The following SLC8A1 variants were observed in gnomAD, a reference collection of about 807,000 sequenced individuals.
SLC8A1 encodes the protein solute carrier family 8 member A1, also known as sodium/calcium exchanger 1.
A neutral mutation model predicts 68.3 loss-of-function variants in SLC8A1; 18 were observed. The observed-to-expected ratio is 0.26, with a 90% CI of 0.18 to 0.39. SLC8A1 has a LOEUF of 0.39. SLC8A1 is among the 10% of genes least tolerant of loss of function. The pLI is 1.00. For missense variants in SLC8A1, 985 were observed against 1,156.7 expected, an observed-to-expected ratio of 0.85 and a Z score of 2.15; for synonymous variants, 475 against 415.5, an observed-to-expected ratio of 1.14 and a Z score of -1.74.
chr2:40,289,840 G>A (rs894737669), intron 2 of SLC8A1, among the ~76,000 whole-genome samples: 5 of 151,566 alleles, frequency 3.3e-5, no homozygotes, highest in Admixed American at 1.3e-4. Flanking sequence ...CAGCTTAGGC[G>A]ACAGAGCGAG....
At chr2:40,302,520 TAA>T (rs1411807170) in intron 2 of SLC8A1, among the ~76,000 whole-genome samples, 4 of 149,026 alleles carry the variant, frequency 2.7e-5, no homozygotes, top group African/African-American at 9.8e-5. Context: ...TATACATATA[TAA>T]CATATATATT....
At chr2:40,364,057 A>G (rs576980358) in intron 2 of SLC8A1, among the ~76,000 whole-genome samples, 1 of 152,212 alleles carries the variant, frequency 6.6e-6, no homozygotes, top group East Asian at 1.9e-4. Flanking sequence ...CACTATAGCC[A>G]ATTTTTAATT....
chr2:40,466,819 T>G (rs138320957), intron 1 of SLC8A1, among the ~76,000 whole-genome samples: 25 of 152,278 alleles, frequency 1.6e-4, no homozygotes, highest in Admixed American at 3.9e-4. Flanking sequence ...CAATACATGC[T>G]GCTTAATTTT....
At chr2:40,311,642 C>A (rs552692539) in intron 2 of SLC8A1, among the ~76,000 whole-genome samples, 1 of 152,070 alleles carries the variant, frequency 6.6e-6, no homozygotes, top group East Asian at 1.9e-4. Context: ...AAAGTATTGA[C>A]AATTGTATCC....
At chr2:40,447,312 T>C (rs139761472) in intron 1 of SLC8A1, among the ~76,000 whole-genome samples, 2 of 152,270 alleles carry the variant, frequency 1.3e-5, no homozygotes, top group African/African-American at 2.4e-5. Flanking sequence ...TGGCTAAATC[T>C]TCAAGAAAGT....
intron 2 of SLC8A1, among the ~76,000 whole-genome samples, chr2:40,201,435 A>T (rs2054342958): frequency 6.6e-6 from 1 of 152,050 alleles, no homozygotes; most frequent in South Asian, 2.1e-4. Context: ...TTTAATGCTA[A>T]TGTTTGTTTT....
chr2:40,253,404 G>A (rs1369955956), intron 2 of SLC8A1, among the ~76,000 whole-genome samples: 1 of 151,754 alleles, frequency 6.6e-6, no homozygotes, highest in Admixed American at 6.6e-5. Context: ...CAGCAACATG[G>A]ATGGAACTGG....
At chr2:40,414,339 C>T (rs1340855825) in intron 2 of SLC8A1, among the ~76,000 whole-genome samples, 1 of 152,174 alleles carries the variant, frequency 6.6e-6, no homozygotes, top group African/African-American at 2.4e-5. Flanking sequence ...TGAGGTCCCT[C>T]ATGAGACTTA....
At chr2:40,282,986 G>T (rs780617044) in intron 2 of SLC8A1, among the ~76,000 whole-genome samples, 27 of 152,194 alleles carry the variant, frequency 1.8e-4, no homozygotes, top group Admixed American at 1.0e-3. Flanking sequence ...TTCCTGAAAA[G>T]ACATGATTTT....
At chr2:40,477,936 GACCAT>G (rs1439043321) in intron 1 of SLC8A1, among the ~76,000 whole-genome samples, 2 of 152,104 alleles carry the variant, frequency 1.3e-5, no homozygotes, top group Non-Finnish European at 2.9e-5. Flanking sequence ...ATAACCAGAT[GACCAT>G]AATGTATCAA....
At chr2:40,506,637 G>C (rs1038469670) in intron 1 of SLC8A1, among the ~76,000 whole-genome samples, 1 of 151,662 alleles carries the variant, frequency 6.6e-6, no homozygotes, top group East Asian at 1.9e-4. Flanking sequence ...ATCTATCAGG[G>C]TCTATAGATT....
chr2:40,241,457 AC>A (rs1480720323), intron 2 of SLC8A1, among the ~76,000 whole-genome samples: 1 of 152,154 alleles, frequency 6.6e-6, no homozygotes, highest in African/African-American at 2.4e-5. Context: ...CCGCACATGT[AC>A]CCCCTCCGTC....
At chr2:40,177,727 G>C (rs1403306428) in intron 3 of SLC8A1, 1 of 1,378,556 alleles carries the variant, frequency 7.3e-7, no homozygotes, top group South Asian at 1.2e-5. Flanking sequence ...ATTTCTCGCT[G>C]GTATGTCTTT....
intron 2 of SLC8A1, among the ~76,000 whole-genome samples, chr2:40,192,246 CA>C (rs2052015676): frequency 6.6e-6 from 1 of 151,736 alleles, no homozygotes; most frequent in African/African-American, 2.4e-5. Context: ...AGCTGTAATT[CA>C]AAAATATATA....
chr2:40,283,533 C>T (rs908326917), intron 2 of SLC8A1, among the ~76,000 whole-genome samples: 2 of 152,214 alleles, frequency 1.3e-5, no homozygotes, highest in African/African-American at 4.8e-5. Flanking sequence ...AGAAGATTTT[C>T]ACATACCCAG....
At chr2:40,421,604 C>A (rs72798673) in intron 2 of SLC8A1, among the ~76,000 whole-genome samples, 6,231 of 152,194 alleles carry the variant, frequency 0.041, 200 homozygotes, top group Non-Finnish European at 0.057. Flanking sequence ...ATCATGAGCA[C>A]CAGCCTGAAA....
At chr2:40,461,077 C>G (rs1422017870) in intron 1 of SLC8A1, among the ~76,000 whole-genome samples, 1 of 152,104 alleles carries the variant, frequency 6.6e-6, no homozygotes, top group African/African-American at 2.4e-5. Flanking sequence ...TTAGCAGAAT[C>G]CTATTACCGC....
At chr2:40,395,040 T>G (rs1286290589) in intron 2 of SLC8A1, among the ~76,000 whole-genome samples, 1 of 152,170 alleles carries the variant, frequency 6.6e-6, no homozygotes, top group Non-Finnish European at 1.5e-5. Context: ...CACCTACTGA[T>G]TATAGATTTA....
At chr2:40,484,309 A>G (rs1047143849) in intron 1 of SLC8A1, among the ~76,000 whole-genome samples, 1 of 152,138 alleles carries the variant, frequency 6.6e-6, no homozygotes, top group African/African-American at 2.4e-5. Context: ...ATTTGGAAGG[A>G]CTGGCATTAT....
Sources: gnomAD v4.1 joint callset for allele counts (sites outside exome capture counted in the v4.1 genomes callset) on GRCh38, gnomAD v4.1.1 for gene constraint, MANE v1.5 for transcripts, NCBI Gene and HGNC (gene_info 2026-07-23, HGNC 2026-07-21) for gene names.